Variants in KCNH7 observed in about 807,000 individuals in gnomAD.
KCNH7 encodes potassium voltage-gated channel subfamily H member 7.
Under a neutral mutation model 120.8 loss-of-function variants are expected in KCNH7, and 49 were observed. That is an observed-to-expected ratio of 0.41 (90% CI 0.32 to 0.51). KCNH7 has a LOEUF of 0.51. Among genes scored for constraint, KCNH7 ranks in the 20% least tolerant of loss-of-function variants. The pLI is 0.38. For synonymous variants in KCNH7, 547 were observed against 516.1 expected (o/e 1.06, Z -0.81); for missense variants, 1,097 against 1,446.6 (o/e 0.76, Z 3.92).
chr2:162,406,597 C>A (rs981505102), intron 9 of KCNH7, among the ~76,000 whole-genome samples: 1 of 151,972 alleles, frequency 6.6e-6, no homozygotes, highest in Non-Finnish European at 1.5e-5. Flanking sequence ...CAAATTAACA[C>A]TCCCTATGAA....
intron 2 of KCNH7, among the ~76,000 whole-genome samples, chr2:162,693,751 T>C (rs748780719): frequency 3.9e-5 from 6 of 152,194 alleles, no homozygotes; most frequent in Non-Finnish European, 8.8e-5. Context: ...TATTTCTTAA[T>C]GACTGAAAAG....
Position 162,837,067 on chromosome 2 carries a change from A to G in KCNH7, c.77-300T>C, listed in dbSNP as rs534455763. Reference sequence around the variant, plus strand: ...GCAACTGCGGGGGTTCCTAGTGGACACTCAGACAAGCAGCTGCCCATTGAT... The same window carrying G: ...GCAACTGCGGGGGTTCCTAGTGGACGCTCAGACAAGCAGCTGCCCATTGAT... On this transcript the variant is annotated intron_variant, in intron 1 of 15. Coordinates refer to ENST00000332142, the MANE Select transcript of KCNH7 (RefSeq NM_033272.4). Among the ~76,000 whole-genome samples, 3 of 152,320 alleles carry G rather than the reference A, an allele frequency of 2.0e-5. 1 individual carries two copies. The highest frequency in any genetic ancestry group is 7.2e-5 in the African/African-American group (3 of 41,588).
intron 5 of KCNH7, among the ~76,000 whole-genome samples, chr2:162,511,029 A>T (rs1691054699): frequency 6.6e-6 from 1 of 151,748 alleles, no homozygotes; most frequent in Non-Finnish European, 1.5e-5. Flanking sequence ...TCTGACTTTG[A>T]TGATTCTACC....
At chr2:162,562,727 G>C (rs1203245897) in intron 2 of KCNH7, among the ~76,000 whole-genome samples, 2 of 152,132 alleles carry the variant, frequency 1.3e-5, no homozygotes, top group Admixed American at 1.3e-4. Flanking sequence ...TCAATAAAGC[G>C]ATGGAATCTT....
intron 3 of KCNH7, among the ~76,000 whole-genome samples, chr2:162,529,404 C>T (rs1406017839): frequency 6.6e-6 from 1 of 151,722 alleles, no homozygotes; most frequent in East Asian, 2.0e-4. Flanking sequence ...ATTTAAGTAC[C>T]AATTTTTGTT....
intron 2 of KCNH7, among the ~76,000 whole-genome samples, chr2:162,827,725 G>C (rs1279024623): frequency 6.6e-6 from 1 of 152,124 alleles, no homozygotes; most frequent in African/African-American, 2.4e-5. Context: ...CAATGTGGTA[G>C]AGTTTGCAAG....
At chr2:162,449,607 C>A (rs1240102855) in intron 6 of KCNH7, among the ~76,000 whole-genome samples, 1 of 151,928 alleles carries the variant, frequency 6.6e-6, no homozygotes, top group Non-Finnish European at 1.5e-5. Context: ...AGACACACAA[C>A]CAAAATGCCA....
chr2:162,548,009 T>C (rs894969171), intron 2 of KCNH7, among the ~76,000 whole-genome samples: 10 of 124,026 alleles, frequency 8.1e-5, no homozygotes, highest in Admixed American at 3.2e-4. Flanking sequence ...AGTAAAGGTA[T>C]TTTTTTCCCT....
chr2:162,681,298 T>A (rs1295712074), intron 2 of KCNH7, among the ~76,000 whole-genome samples: 1 of 151,754 alleles, frequency 6.6e-6, no homozygotes, highest in African/African-American at 2.4e-5. Flanking sequence ...AGTATAAATA[T>A]ACCACACACA....
intron 6 of KCNH7, among the ~76,000 whole-genome samples, chr2:162,487,242 T>C (rs1304559075): frequency 1.3e-5 from 2 of 152,138 alleles, no homozygotes; most frequent in Non-Finnish European, 2.9e-5. Flanking sequence ...CATTAAGAAA[T>C]CTACAGAAAG....
chr2:162,646,346 T>C lies in KCNH7; in HGVS notation c.308-109266A>G, dbSNP rs145718524. Among the ~76,000 whole-genome samples the C allele has an allele frequency of 1.1e-4, 17 of 152,312 alleles. 1 individual carries two copies. In the South Asian group the frequency reaches 1.9e-3, roughly 17 times the overall value. On this transcript the variant is annotated intron_variant, in intron 2 of 15. Coordinates refer to ENST00000332142, the MANE Select transcript of KCNH7 (RefSeq NM_033272.4). The stretch of plus-strand genomic sequence containing the variant: ...TATGCATTTCAGAGCCCATAACCTA[T>C]GTTGTCCTCTCTACCTATTCTTTTA...
chr2:162,545,878 A>T (rs1385237796), intron 2 of KCNH7, among the ~76,000 whole-genome samples: 1 of 152,078 alleles, frequency 6.6e-6, no homozygotes, highest in Non-Finnish European at 1.5e-5. Flanking sequence ...CAAAATATGG[A>T]TATATGTGAA....
rs184817012 is a variant in KCNH7, at chr2:162,685,089, A to T, written c.308-148009T>A. Among the ~76,000 whole-genome samples, 384 of 152,174 alleles carry T rather than the reference A, an allele frequency of 2.5e-3. 2 individuals are homozygous for T. Among genetic ancestry groups the T allele is most frequent in the African/African-American group, 8.8e-3 (366 of 41,538 alleles). On this transcript the variant is annotated intron_variant, in intron 2 of 15. Coordinates refer to ENST00000332142, the MANE Select transcript of KCNH7 (RefSeq NM_033272.4). ...GGAAACCATCATTCTCAGCAAACTA[A>T]CACAGAACAGAAAACCAAACGCCAC...
intron 2 of KCNH7, among the ~76,000 whole-genome samples, chr2:162,700,300 A>G (rs1460106821): frequency 2.0e-5 from 3 of 152,188 alleles, no homozygotes; most frequent in East Asian, 3.9e-4. Context: ...AGCACTTTTC[A>G]TCCATTTATG....
intron 2 of KCNH7, among the ~76,000 whole-genome samples, chr2:162,741,329 A>G (rs1432881180): frequency 6.7e-6 from 1 of 148,184 alleles, no homozygotes; most frequent in Admixed American, 6.7e-5. Flanking sequence ...TATTAATAAC[A>G]TATGTTATTA....
At position 162,568,138 on chromosome 2, in the gene KCNH7, G is replaced by T; in HGVS notation, c.308-31058C>A. 1.3e-5 allele frequency among the ~76,000 whole-genome samples: 2 copies of T among 151,932 alleles called. 1 individual carries two copies. ...AGAAGAAGGAATGAATGCAAGCAGA[G>T]AAAATGCCAGACTCTCATAAAGCCA... is the stretch of plus-strand genomic sequence containing the variant. On this transcript the variant is annotated intron_variant, in intron 2 of 15. Coordinates refer to ENST00000332142, the MANE Select transcript of KCNH7 (RefSeq NM_033272.4).
intron 2 of KCNH7, among the ~76,000 whole-genome samples, chr2:162,683,396 G>GT (rs1233936583): frequency 6.6e-6 from 1 of 151,806 alleles, no homozygotes; most frequent in African/African-American, 2.4e-5. Context: ...GAAAGTTACA[G>GT]TATTTTAGTG....
chr2:162,553,178 C>A (rs1019699634), intron 2 of KCNH7, among the ~76,000 whole-genome samples: 1 of 151,998 alleles, frequency 6.6e-6, no homozygotes, highest in African/African-American at 2.4e-5. Context: ...GTACAGTGTA[C>A]GGAAATTGAG....
chr2:162,586,262 C>T (rs2105925038), intron 2 of KCNH7, among the ~76,000 whole-genome samples: 1 of 152,162 alleles, frequency 6.6e-6, no homozygotes, highest in Non-Finnish European at 1.5e-5. Context: ...CAGGAAGTGA[C>T]ACTGTGCAAC....
Sources: allele counts gnomAD v4.1 joint callset (sites outside exome capture counted in the v4.1 genomes callset), GRCh38; gene constraint gnomAD v4.1.1; transcripts MANE v1.5; gene names NCBI Gene and HGNC (gene_info 2026-07-23, HGNC 2026-07-21).